PCDHA12: variants seen among roughly 807,000 people sequenced by gnomAD.
The protein encoded by PCDHA12 is protocadherin alpha 12, also known as protocadherin alpha-12.
In PCDHA12, 44 loss-of-function variants were observed where a neutral mutation model predicts 60.0. That is an observed-to-expected ratio of 0.73 (90% CI 0.58 to 0.94). PCDHA12 has a LOEUF of 0.94. PCDHA12 is among the 40% of genes least tolerant of loss of function. The probability of loss-of-function intolerance (pLI) is 0.00; values close to 1 mark genes in which losing one functional copy is unlikely to be tolerated. For missense variants in PCDHA12, 1,276 were observed against 1,239.7 expected (o/e 1.03, Z -0.44); for synonymous variants, 569 against 553.0 (o/e 1.03, Z -0.40).
chr5:141,010,396 C>A lies in PCDHA12; in HGVS notation c.*459C>A. 7.5e-7 allele frequency: 1 copy of A among 1,337,260 alleles called. No individual in the cohort carries two copies. Among genetic ancestry groups the A allele is most frequent in the Non-Finnish European group, 1.0e-6 (1 of 999,990 alleles). 82.8% of individuals were successfully genotyped at this position (1,337,260 alleles called of 1,614,324 possible). On this transcript the variant is annotated 3_prime_UTR_variant, in exon 4 of 4. Coordinates refer to ENST00000398631, the MANE Select transcript of PCDHA12 (RefSeq NM_018903.4). ...GTGCCAGATATTGGCTGAGACGAGC[C>A]AGCTTAGACTAATTGGTACAAGGAA...
At chr5:140,884,122 G>T (rs1212118784) in intron 1 of PCDHA12, 1 of 1,613,188 alleles carries the variant, frequency 6.2e-7, no homozygotes, top group Non-Finnish European at 8.5e-7. Context: ...CGGTCGGCGC[G>T]CGCATCCCGT....
chr5:140,890,505 C>T (rs968263026), intron 1 of PCDHA12, among the ~76,000 whole-genome samples: 4 of 151,914 alleles, frequency 2.6e-5, no homozygotes, highest in Admixed American at 2.6e-4. Flanking sequence ...ATTTTTATGT[C>T]TCTATTTCCT....
At chr5:140,890,533 T>C (rs2062686259) in intron 1 of PCDHA12, among the ~76,000 whole-genome samples, 1 of 152,234 alleles carries the variant, frequency 6.6e-6, no homozygotes, top group South Asian at 2.1e-4. Context: ...TTGATCTTCT[T>C]TTGAAATGAC....
At chr5:140,986,458 A>G (rs1199378141) in intron 3 of PCDHA12, among the ~76,000 whole-genome samples, 1 of 152,166 alleles carries the variant, frequency 6.6e-6, no homozygotes, top group Admixed American at 6.5e-5. Flanking sequence ...GTTTTAATGA[A>G]TGCCCTCTTG....
At chr5:140,993,521 G>A (rs1554253818) in intron 3 of PCDHA12, among the ~76,000 whole-genome samples, 1 of 151,130 alleles carries the variant, frequency 6.6e-6, no homozygotes, top group African/African-American at 2.4e-5. Context: ...GGGAGAGAGA[G>A]ACAGAGAGAG....
At chr5:140,969,210 C>G in intron 1 of PCDHA12, 1 of 1,614,184 alleles carries the variant, frequency 6.2e-7, no homozygotes, top group Non-Finnish European at 8.5e-7. Context: ...GGGGCCCAGA[C>G]AGGACCAGGG....
rs201813340 is a variant in PCDHA12, at chr5:140,875,886, A to C, written c.414A>C (p.Gln138His). ...DNPPVFRERE[Q>H]KVPVSESAPL... ...CGCCGGTGTTCAGAGAAAGGGAACA[A>C]AAGGTACCTGTTTCTGAATCTGCGC... is the stretch of plus-strand genomic sequence containing the variant. Residue 138 changes from glutamine to histidine, a missense_variant, in exon 1 of 4, where the codon CAA (glutamine) becomes CAC (histidine). By Grantham distance (24) the Gln-to-His change is conservative. Transcript: ENST00000398631. 6.2e-7 allele frequency: 1 copy of C among 1,614,176 alleles called. No individual in the cohort carries two copies. The highest frequency in any genetic ancestry group is 8.5e-7 in the Non-Finnish European group (1 of 1,180,020).
Position 141,009,541 on chromosome 5 carries a change from A to G in PCDHA12, c.2516-86A>G. 8 of 1,530,282 alleles carry G rather than the reference A, an allele frequency of 5.2e-6. No homozygotes were observed. The South Asian group carries it at 6.6e-5, about 13-fold the overall frequency. 94.8% of individuals were successfully genotyped at this position (1,530,282 alleles called of 1,614,324 possible). Reference sequence around the variant, plus strand: ...TTTTCTGGGGAGGTTCAGCCTGCCTATGCAGTACTCCTGTACTCTACCAGC... The same window carrying G: ...TTTTCTGGGGAGGTTCAGCCTGCCTGTGCAGTACTCCTGTACTCTACCAGC... On this transcript the variant is annotated intron_variant, in intron 3 of 3. Coordinates refer to ENST00000398631, the MANE Select transcript of PCDHA12 (RefSeq NM_018903.4).
At chr5:140,923,966 C>T (rs1422839186) in intron 1 of PCDHA12, among the ~76,000 whole-genome samples, 3 of 152,188 alleles carry the variant, frequency 2.0e-5, no homozygotes, top group Non-Finnish European at 4.4e-5. Flanking sequence ...AATCTATACC[C>T]ACACATACTA....
At chr5:140,951,682 C>T (rs1327606119) in intron 1 of PCDHA12, among the ~76,000 whole-genome samples, 1 of 152,146 alleles carries the variant, frequency 6.6e-6, no homozygotes, top group East Asian at 1.9e-4. Flanking sequence ...TTGGGGATTA[C>T]AATGTGACAT....
intron 1 of PCDHA12, chr5:140,928,897 G>C: frequency 6.2e-7 from 1 of 1,614,186 alleles, no homozygotes. Flanking sequence ...AGACTTTGAA[G>C]ATGTCTGGGA....
chr5:140,905,334 C>A (rs2071752505), intron 1 of PCDHA12, among the ~76,000 whole-genome samples: 1 of 152,144 alleles, frequency 6.6e-6, no homozygotes, highest in East Asian at 1.9e-4. Context: ...TGTTGAAGAT[C>A]AGTTGGCTGT....
At chr5:140,982,359 C>T in intron 2 of PCDHA12, 116 bp from the exon 3 acceptor site, 1 of 1,523,712 alleles carries the variant, frequency 6.6e-7, no homozygotes. Context: ...CAAGCATGAG[C>T]AGAATGTGTT....
At chr5:140,962,084 A>G (rs541325949) in intron 1 of PCDHA12, among the ~76,000 whole-genome samples, 1 of 152,028 alleles carries the variant, frequency 6.6e-6, no homozygotes, top group African/African-American at 2.4e-5. Flanking sequence ...ACGGGGTTTC[A>G]CCATGTTAGC....
chr5:140,996,341 C>T (rs1554255109), intron 3 of PCDHA12, among the ~76,000 whole-genome samples: 2 of 152,160 alleles, frequency 1.3e-5, no homozygotes, highest in African/African-American at 4.8e-5. Context: ...AGTTTGAAAA[C>T]CCAACCAAAG....
rs372349337 is a variant in PCDHA12, at chr5:140,882,421, C to A, written c.2367+4582C>A. On this transcript the variant is annotated intron_variant, in intron 1 of 3. Transcript: ENST00000398631. ...CCTTCGTGGGCCGCATCGCTCAGGA[C>A]CTGGGGCTGGAGCTGGCGGAGCTGG... is the stretch of plus-strand genomic sequence containing the variant. 5.0e-6 allele frequency: 8 copies of A among 1,613,986 alleles called. No homozygotes were observed. The African/African-American group carries it at 8.0e-5, about 16-fold the overall frequency.
chr5:140,978,860 A>G, intron 1 of PCDHA12, 89 bp from the exon 2 acceptor site: 1 of 1,598,356 alleles, frequency 6.3e-7, no homozygotes, highest in African/African-American at 1.3e-5. Context: ...GCCTGGAAAT[A>G]TTTAAGGGAG....
intron 1 of PCDHA12, among the ~76,000 whole-genome samples, chr5:140,908,762 C>T (rs962553584): frequency 7.9e-5 from 12 of 152,104 alleles, no homozygotes; most frequent in Admixed American, 2.6e-4. Flanking sequence ...ACAGCCTGGA[C>T]GTGTTGTAGA....
chr5:140,876,724 G>T lies in PCDHA12; in HGVS notation c.1252G>T (p.Val418Leu), dbSNP rs140611870. 2 of 1,614,246 alleles carry T rather than the reference G, an allele frequency of 1.2e-6. No homozygotes were observed. The highest frequency in any genetic ancestry group is 1.7e-6 in the Non-Finnish European group (2 of 1,180,046). ...VLDSALDRES[V>L]SAYELVVTAR... Reference sequence around the variant, plus strand: ...GGACAGCGCCCTGGACCGCGAGAGCGTGTCGGCCTATGAGCTGGTGGTGAC... The same window carrying T: ...GGACAGCGCCCTGGACCGCGAGAGCTTGTCGGCCTATGAGCTGGTGGTGAC... Residue 418 changes from valine to leucine, a missense_variant, in exon 1 of 4, where the codon GTG (valine) becomes TTG (leucine). By Grantham distance (32) the Val-to-Leu change is conservative. Transcript: ENST00000398631.
Sources: allele counts gnomAD v4.1 joint callset (sites outside exome capture counted in the v4.1 genomes callset), GRCh38; gene constraint gnomAD v4.1.1; transcripts MANE v1.5; gene names NCBI Gene and HGNC (gene_info 2026-07-23, HGNC 2026-07-21).